Variants in NCALD observed in about 807,000 individuals in gnomAD.
NCALD encodes the protein neurocalcin delta.
NCALD carries 10 observed loss-of-function variants against 18.6 expected under a neutral mutation model. The observed-to-expected ratio is 0.54, with a 90% confidence interval of 0.33 to 0.91. NCALD has a LOEUF of 0.91. Ranked by LOEUF, NCALD falls within the 40% of genes least tolerant of loss-of-function variation. NCALD has a pLI of 0.03. For synonymous variants in NCALD, 88 were observed against 87.4 expected (o/e 1.01, Z -0.04); for missense variants, 184 against 247.6 (o/e 0.74, Z 1.72).
At chr8:101,731,909 C>T (rs1816850709) in intron 1 of NCALD, among the ~76,000 whole-genome samples, 1 of 152,190 alleles carries the variant, frequency 6.6e-6, no homozygotes, top group Non-Finnish European at 1.5e-5. Context: ...CCAAGGCTGT[C>T]CCAAACAAAG....
At chr8:101,801,643 CTTTT>C (rs71268530) in intron 4 of NCALD, among the ~76,000 whole-genome samples, 8 of 44,158 alleles carry the variant, frequency 1.8e-4, no homozygotes, top group Admixed American at 3.5e-4. Context: ...AGCACACTTA[CTTTT>C]TTTTTTTTTT....
At chr8:101,976,332 CTT>C (rs1397160952) in intron 2 of NCALD, among the ~76,000 whole-genome samples, 1 of 152,218 alleles carries the variant, frequency 6.6e-6, no homozygotes, top group Non-Finnish European at 1.5e-5. Context: ...AGCAATGTCT[CTT>C]TGAATGTTCT....
intron 2 of NCALD, among the ~76,000 whole-genome samples, chr8:101,696,762 T>C (rs926629147): frequency 1.3e-5 from 2 of 152,092 alleles, no homozygotes; most frequent in Non-Finnish European, 2.9e-5. Flanking sequence ...AAGTAGTCAT[T>C]TGCAACATAC....
intron 2 of NCALD, among the ~76,000 whole-genome samples, chr8:101,983,071 G>A (rs1254034148): frequency 6.6e-6 from 1 of 152,116 alleles, no homozygotes; most frequent in Middle Eastern, 3.4e-3. Context: ...ACCCCCAAGC[G>A]GCTACATTCT....
At chr8:101,885,148 C>T (rs529251717) in intron 4 of NCALD, among the ~76,000 whole-genome samples, 5 of 152,250 alleles carry the variant, frequency 3.3e-5, no homozygotes, top group African/African-American at 7.2e-5. Flanking sequence ...GGGAAGAGTA[C>T]AGATTTCTTG....
intron 2 of NCALD, among the ~76,000 whole-genome samples, chr8:101,975,000 C>T (rs2131911987): frequency 6.6e-6 from 1 of 152,250 alleles, no homozygotes; most frequent in South Asian, 2.1e-4. Context: ...AAGACAGAAC[C>T]TTAGGTCATC....
At chr8:101,886,622 C>G (rs1404206377) in intron 4 of NCALD, among the ~76,000 whole-genome samples, 3 of 152,152 alleles carry the variant, frequency 2.0e-5, no homozygotes, top group Non-Finnish European at 4.4e-5. Context: ...AATAATGTTC[C>G]TATTCTAACA....
At chr8:101,975,586 A>G (rs1820392762) in intron 2 of NCALD, among the ~76,000 whole-genome samples, 1 of 152,254 alleles carries the variant, frequency 6.6e-6, no homozygotes, top group African/African-American at 2.4e-5. Context: ...GCTTGCAACT[A>G]CTAGCATTTG....
intron 4 of NCALD, among the ~76,000 whole-genome samples, chr8:101,830,670 A>G (rs1448094045): frequency 1.3e-5 from 2 of 151,840 alleles, no homozygotes; most frequent in Non-Finnish European, 2.9e-5. Context: ...GTGGGGCTCC[A>G]CTGCCTTTGG....
At chr8:102,050,810 T>A (rs914345520) in intron 1 of NCALD, among the ~76,000 whole-genome samples, 7 of 132,764 alleles carry the variant, frequency 5.3e-5, no homozygotes, top group South Asian at 2.8e-4. Context: ...TTAATTAATT[T>A]AATCATTTTT....
intron 1 of NCALD, chr8:101,745,852 C>G (rs570479541): frequency 1.3e-5 from 2 of 152,172 alleles, no homozygotes; most frequent in Non-Finnish European, 2.9e-5. Flanking sequence ...GATGAGGACA[C>G]TGAGGTTTAG....
At chr8:101,804,580 A>ATTATATAATATATAATTAATATAATTG (rs1813017727) in intron 4 of NCALD, among the ~76,000 whole-genome samples, 5 of 118,996 alleles carry the variant, frequency 4.2e-5, no homozygotes, top group East Asian at 2.3e-4. Flanking sequence ...TAATATAATT[A>ATTATATAATATATAATTAATATAATTG]ATTATATAAT....
At chr8:101,991,601 G>A (rs758856235) in intron 2 of NCALD, among the ~76,000 whole-genome samples, 1 of 152,146 alleles carries the variant, frequency 6.6e-6, no homozygotes, top group Non-Finnish European at 1.5e-5. Context: ...GTTCGGGAAG[G>A]GCTGGGGGTC....
intron 2 of NCALD, among the ~76,000 whole-genome samples, chr8:102,013,940 A>C (rs1193514625): frequency 6.6e-6 from 1 of 152,204 alleles, no homozygotes; most frequent in African/African-American, 2.4e-5. Flanking sequence ...AAGATACTCA[A>C]AGTCAGGAAG....
At chr8:101,791,639 A>G (rs1812448452), upstream of NCALD, among the ~76,000 whole-genome samples, 1 of 152,158 alleles carries the variant, frequency 6.6e-6, no homozygotes, top group African/African-American at 2.4e-5. Context: ...GATAACATAA[A>G]TTCAGGATTC....
At chr8:102,019,357 CTGTT>C in intron 2 of NCALD, among the ~76,000 whole-genome samples, 1 of 152,216 alleles carries the variant, frequency 6.6e-6, no homozygotes, top group African/African-American at 2.4e-5. Context: ...TTTTTGAAAA[CTGTT>C]TGATAGTATC....
chr8:101,882,964 C>A (rs1816543302), intron 4 of NCALD, among the ~76,000 whole-genome samples: 1 of 152,180 alleles, frequency 6.6e-6, no homozygotes, highest in African/African-American at 2.4e-5. Flanking sequence ...GAAAGAAATC[C>A]ATCTCCTTAA....
intron 2 of NCALD, among the ~76,000 whole-genome samples, chr8:101,957,338 C>A (rs1417130263): frequency 2.3e-5 from 3 of 129,190 alleles, no homozygotes; most frequent in Non-Finnish European, 4.7e-5. Context: ...AATCTGAAGC[C>A]AAGCAGAGAT....
At chr8:101,887,763 G>T (rs528255465) in intron 3 of NCALD, among the ~76,000 whole-genome samples, 11 of 152,056 alleles carry the variant, frequency 7.2e-5, no homozygotes, top group African/African-American at 2.7e-4. Flanking sequence ...ACAAGTAACA[G>T]AAAACCCAGC....
Sources: gnomAD v4.1 joint callset for allele counts (sites outside exome capture counted in the v4.1 genomes callset) on GRCh38, gnomAD v4.1.1 for gene constraint, MANE v1.5 for transcripts, NCBI Gene and HGNC (gene_info 2026-07-23, HGNC 2026-07-21) for gene names.